Variants in FRMPD4 observed in about 807,000 individuals in gnomAD.
FRMPD4 encodes FERM and PDZ domain containing 4.
FRMPD4 carries 22 observed loss-of-function variants against 94.1 expected under a neutral mutation model. The ratio of observed to expected loss-of-function variants is 0.23; its 90% CI spans 0.17 to 0.33. The LOEUF (loss-of-function observed/expected upper bound fraction) is 0.33, where lower values mean the gene tolerates loss of function less well. Among genes scored for constraint, FRMPD4 ranks in the 10% least tolerant of loss-of-function variants. The pLI is 1.00. For synonymous variants in FRMPD4, 631 were observed against 548.6 expected, an observed-to-expected ratio of 1.15 and a Z score of -2.10; for missense variants, 1,111 against 1,339.9, an observed-to-expected ratio of 0.83 and a Z score of 2.67.
rs2147185794 is a variant in FRMPD4 at position 12,721,062 on chromosome X, G to T, written c.4493G>T (p.Cys1498Phe). 1.3e-6 allele frequency: 1 copy of T among 756,530 alleles called. No individual in the cohort carries two copies. Among genetic ancestry groups the T allele is most frequent in the East Asian group, 1.5e-4 (1 of 6,658 alleles). 62.3% of individuals were successfully genotyped at this position (756,530 alleles called of 1,213,427 possible). The change falls in exon 17 of 17, where the codon TGC becomes TTC. Residue 1498 changes from cysteine to phenylalanine, a missense_variant. Cys to Phe is a radical substitution (Grantham distance 205). Around this residue, in one of 8 missense-constraint regions of FRMPD4, gnomAD observed 551 missense variants for 591.6 expected, o/e 0.93. Transcript: ENST00000675598. ...LRKLEGSNWR[C>F]RGPFSYCFLN... ...AAGCTGGAGGGCAGCAATTGGAGAT[G>T]CCGGGGACCCTTCAGCTATTGCTTC...
intron 3 of FRMPD4, among the ~76,000 whole-genome samples, chrX:12,128,524 A>G (rs746529948): frequency 2.7e-5 from 3 of 112,124 alleles, no homozygotes; most frequent in Non-Finnish European, 5.6e-5. Flanking sequence ...AGAAGCTACC[A>G]TGAAGGTCTC....
chrX:12,549,827 G>A (rs1456655674), intron 2 of FRMPD4, among the ~76,000 whole-genome samples: 1 of 112,290 alleles, frequency 8.9e-6, no homozygotes, highest in African/African-American at 3.2e-5. Flanking sequence ...TTGGAGAATC[G>A]CAGTGCTCAT....
chrX:12,148,020 A>AT (rs1420542811), intron 1 of FRMPD4, among the ~76,000 whole-genome samples: 1 of 111,700 alleles, frequency 9.0e-6, no homozygotes. Flanking sequence ...CCCTTTCCTC[A>AT]GGCTCCCCTG....
At chrX:12,527,463 C>G (rs2058236267) in intron 2 of FRMPD4, among the ~76,000 whole-genome samples, 1 of 108,676 alleles carries the variant, frequency 9.2e-6, no homozygotes, top group Non-Finnish European at 1.9e-5. Flanking sequence ...TGGCCCTTAC[C>G]CAACAGCAGA....
chrX:11,884,461 C>T (rs1300403946), intron 3 of FRMPD4, among the ~76,000 whole-genome samples: 2 of 111,420 alleles, frequency 1.8e-5, no homozygotes, highest in Non-Finnish European at 3.8e-5. Flanking sequence ...TGCCATACTG[C>T]GCAGAAAGTC....
At chrX:11,982,642 A>G (rs778576159) in intron 3 of FRMPD4, among the ~76,000 whole-genome samples, 2 of 111,555 alleles carry the variant, frequency 1.8e-5, no homozygotes, top group East Asian at 5.6e-4. Context: ...ACTTTATTGG[A>G]TGTCTTTCAG....
At chrX:12,198,534 C>T (rs769417042) in intron 1 of FRMPD4, among the ~76,000 whole-genome samples, 10 of 112,004 alleles carry the variant, frequency 8.9e-5, no homozygotes, top group Non-Finnish European at 1.9e-4. Context: ...ATACCTGTGT[C>T]GCTGGGGCAG....
intron 1 of FRMPD4, among the ~76,000 whole-genome samples, chrX:12,478,571 A>C (rs974147947): frequency 4.5e-5 from 5 of 111,970 alleles, no homozygotes; most frequent in Non-Finnish European, 9.4e-5. Flanking sequence ...TGACAGAGCG[A>C]GACCCCATCT....
At chrX:12,229,876 T>C (rs1432291669) in intron 1 of FRMPD4, among the ~76,000 whole-genome samples, 2 of 112,396 alleles carry the variant, frequency 1.8e-5, no homozygotes, top group Admixed American at 1.9e-4. Flanking sequence ...GCTGTTTCAC[T>C]GTAGCACGTC....
chrX:11,924,706 G>T (rs1046290322), intron 3 of FRMPD4, among the ~76,000 whole-genome samples: 1 of 111,929 alleles, frequency 8.9e-6, no homozygotes, highest in African/African-American at 3.2e-5. Flanking sequence ...ACAAGAAAAT[G>T]CTGAGGGAAT....
intron 1 of FRMPD4, among the ~76,000 whole-genome samples, chrX:12,231,002 A>T (rs58823587): frequency 2.0e-5 from 1 of 50,768 alleles, no homozygotes; most frequent in Non-Finnish European, 3.7e-5. Flanking sequence ...TAGTATATAT[A>T]ATATATAGTA....
intron 1 of FRMPD4, among the ~76,000 whole-genome samples, chrX:12,255,160 A>G (rs1382193671): frequency 4.5e-5 from 5 of 111,810 alleles, no homozygotes; most frequent in Admixed American, 2.9e-4. Context: ...TACTCCATCC[A>G]ATGTTGGGTC....
At chrX:12,709,747 T>G (rs1378966502) in intron 13 of FRMPD4, among the ~76,000 whole-genome samples, 1 of 112,535 alleles carries the variant, frequency 8.9e-6, no homozygotes, top group Non-Finnish European at 1.9e-5. Flanking sequence ...TTAATGTTAA[T>G]TTACCAGTTT....
At chrX:11,994,603 T>C (rs999892767) in intron 3 of FRMPD4, among the ~76,000 whole-genome samples, 42 of 111,705 alleles carry the variant, frequency 3.8e-4, no homozygotes, top group African/African-American at 1.3e-3. Flanking sequence ...CTGTTAAGTT[T>C]GTCCTCAATT....
intron 1 of FRMPD4, among the ~76,000 whole-genome samples, chrX:12,204,909 C>T (rs756083875): frequency 5.4e-5 from 6 of 110,396 alleles, no homozygotes; most frequent in Non-Finnish European, 1.1e-4. Flanking sequence ...GAATTTACAC[C>T]TGTTGTAAAT....
intron 3 of FRMPD4, among the ~76,000 whole-genome samples, chrX:12,028,740 G>A (rs185901416): frequency 9.0e-6 from 1 of 111,487 alleles, no homozygotes; most frequent in Non-Finnish European, 1.9e-5. Flanking sequence ...GCAGTATATA[G>A]CCTTCTCAGA....
At chrX:12,427,011 G>A (rs770441334) in intron 1 of FRMPD4, among the ~76,000 whole-genome samples, 1 of 111,299 alleles carries the variant, frequency 9.0e-6, no homozygotes, top group Non-Finnish European at 1.9e-5. Context: ...ACTGTAGATA[G>A]GATGGTGAGA....
chrX:11,886,342 T>C (rs1275727702), intron 3 of FRMPD4, among the ~76,000 whole-genome samples: 1 of 111,672 alleles, frequency 9.0e-6, no homozygotes, highest in Non-Finnish European at 1.9e-5. Context: ...TACGTTGAAA[T>C]TACAGAGAGG....
chrX:12,717,200 C>T, intron 15 of FRMPD4, 67 bp downstream of exon 15: 8 of 716,949 alleles, frequency 1.1e-5, no homozygotes. Context: ...AGCCATTTGC[C>T]CCTGGAGTCC....
Sources: allele counts gnomAD v4.1 joint callset (sites outside exome capture counted in the v4.1 genomes callset), GRCh38; gene constraint gnomAD v4.1.1; regional missense constraint gnomAD v4.1.1; transcripts MANE v1.5; gene names NCBI Gene and HGNC (gene_info 2026-07-23, HGNC 2026-07-21).